NLGN4X: variants seen among roughly 807,000 people sequenced by gnomAD.
The protein encoded by NLGN4X is neuroligin 4 X-linked.
A neutral mutation model predicts 40.3 loss-of-function variants in NLGN4X; 3 were observed. The observed-to-expected ratio is 0.07, with a 90% CI of 0.03 to 0.19. The LOEUF (loss-of-function observed/expected upper bound fraction) is 0.19, where lower values mean the gene tolerates loss of function less well. Among genes scored for constraint, NLGN4X ranks in the 10% least tolerant of loss-of-function variants. NLGN4X has a pLI of 1.00. For synonymous variants in NLGN4X, 270 were observed against 306.8 expected, an observed-to-expected ratio of 0.88 and a Z score of 1.25; for missense variants, 382 against 708.3, an observed-to-expected ratio of 0.54 and a Z score of 5.23.
intron 3 of NLGN4X, among the ~76,000 whole-genome samples, chrX:6,021,448 C>T (rs1388616365): frequency 9.0e-6 from 1 of 110,756 alleles, no homozygotes; most frequent in Non-Finnish European, 1.9e-5. Flanking sequence ...TGACAAAGCA[C>T]TCATCCTTAA....
At chrX:6,012,387 A>G (rs1462478156) in intron 3 of NLGN4X, among the ~76,000 whole-genome samples, 1 of 112,035 alleles carries the variant, frequency 8.9e-6, no homozygotes, top group Non-Finnish European at 1.9e-5. Flanking sequence ...GGAGATGAAG[A>G]ATCCCAGATT....
At chrX:6,111,787 C>T (rs765907118) in intron 2 of NLGN4X, among the ~76,000 whole-genome samples, 1 of 111,113 alleles carries the variant, frequency 9.0e-6, no homozygotes, top group African/African-American at 3.3e-5. Context: ...TTATAAATTA[C>T]CCAGTCTAAG....
chrX:6,224,327 C>G (rs5916352), intron 1 of NLGN4X, among the ~76,000 whole-genome samples: 47,901 of 110,468 alleles, frequency 0.43, 8,673 homozygotes, highest in African/African-American at 0.69. Flanking sequence ...TTTTTGAGAA[C>G]CTTTTGGTTG....
intron 1 of NLGN4X, among the ~76,000 whole-genome samples, chrX:6,165,001 T>C: frequency 9.0e-6 from 1 of 111,406 alleles, no homozygotes; most frequent in East Asian, 2.8e-4. Flanking sequence ...AGTATGACAC[T>C]GTACAAGCTC....
chrX:5,925,028 C>A (rs967835870), intron 3 of NLGN4X, among the ~76,000 whole-genome samples: 2 of 111,391 alleles, frequency 1.8e-5, no homozygotes, highest in Non-Finnish European at 3.8e-5. Context: ...ATTTAAAGTC[C>A]CAATTCATTA....
At chrX:6,001,566 T>C (rs1569179505) in intron 3 of NLGN4X, among the ~76,000 whole-genome samples, 1 of 112,291 alleles carries the variant, frequency 8.9e-6, no homozygotes, top group Non-Finnish European at 1.9e-5. Flanking sequence ...CTACTGGTTT[T>C]AGATCGGTGG....
intron 3 of NLGN4X, among the ~76,000 whole-genome samples, chrX:5,914,676 A>G (rs900587684): frequency 9.1e-6 from 1 of 110,408 alleles, no homozygotes; most frequent in Non-Finnish European, 1.9e-5. Flanking sequence ...CTATAAATGT[A>G]TATGTACACA....
chrX:5,956,678 C>G (rs1216061321), intron 3 of NLGN4X, among the ~76,000 whole-genome samples: 1 of 111,451 alleles, frequency 9.0e-6, no homozygotes, highest in South Asian at 3.8e-4. Flanking sequence ...AGCACCAGCA[C>G]GTGCATCACC....
chrX:5,892,777 G>A lies in NLGN4X; in HGVS notation c.*40C>T. On this transcript the variant is annotated 3_prime_UTR_variant, in exon 6 of 6. Coordinates refer to ENST00000381095, the MANE Select transcript of NLGN4X (RefSeq NM_181332.3). ...TTCCTTCCCTCTTCTATGTTGCTGA[G>A]CGGGTAGGGCAGAGGGATAGGAAGG... is the stretch of plus-strand genomic sequence containing the variant. The A allele has an allele frequency of 1.7e-6, 2 of 1,201,393 alleles. No individual in the cohort carries two copies. The highest frequency in any genetic ancestry group is 1.8e-5 in the South Asian group (1 of 56,528).
At chrX:6,140,737 C>T (rs765176263) in intron 2 of NLGN4X, among the ~76,000 whole-genome samples, 1 of 63,456 alleles carries the variant, frequency 1.6e-5, no homozygotes, top group African/African-American at 9.0e-5. Context: ...ACCACCATGC[C>T]CAGCTAATTT....
intron 2 of NLGN4X, among the ~76,000 whole-genome samples, chrX:6,099,984 G>C (rs1360211858): frequency 1.8e-5 from 2 of 112,051 alleles, no homozygotes; most frequent in African/African-American, 3.2e-5. Context: ...TCAGAGGTGA[G>C]AGCCTCAAAC....
intron 2 of NLGN4X, among the ~76,000 whole-genome samples, chrX:6,108,348 A>T (rs2039075294): frequency 8.9e-6 from 1 of 111,746 alleles, no homozygotes; most frequent in African/African-American, 3.3e-5. Context: ...ATTAAATATT[A>T]TTTTTTGTAG....
intron 2 of NLGN4X, among the ~76,000 whole-genome samples, chrX:6,081,435 G>A (rs1223081613): frequency 8.9e-6 from 1 of 112,490 alleles, no homozygotes; most frequent in African/African-American, 3.2e-5. Flanking sequence ...GAATTTAAAT[G>A]AAAACAGCAC....
chrX:5,895,482 A>C (rs2031437746), intron 5 of NLGN4X, among the ~76,000 whole-genome samples: 1 of 111,629 alleles, frequency 9.0e-6, no homozygotes, highest in Admixed American at 9.5e-5. Flanking sequence ...TATTGTATAC[A>C]TTGTAGAGTG....
chrX:6,157,616 T>C (rs1280563176), intron 1 of NLGN4X, among the ~76,000 whole-genome samples: 2 of 111,678 alleles, frequency 1.8e-5, no homozygotes, highest in African/African-American at 3.3e-5. Context: ...CAAGGCATGG[T>C]AGATTCAGTG....
chrX:5,955,101 C>T (rs188522227), intron 3 of NLGN4X, among the ~76,000 whole-genome samples: 20 of 112,136 alleles, frequency 1.8e-4, no homozygotes, highest in Non-Finnish European at 3.2e-4. Flanking sequence ...TTCACAATAT[C>T]GAAAGTAGTC....
At chrX:5,912,686 C>T (rs1244020681) in intron 3 of NLGN4X, among the ~76,000 whole-genome samples, 1 of 107,675 alleles carries the variant, frequency 9.3e-6, no homozygotes, top group Non-Finnish European at 1.9e-5. Flanking sequence ...CCTGTTTTCC[C>T]AAGTCGCCTG....
At chrX:6,209,472 C>G (rs1924367435) in intron 1 of NLGN4X, among the ~76,000 whole-genome samples, 1 of 111,545 alleles carries the variant, frequency 9.0e-6, no homozygotes, top group Non-Finnish European at 1.9e-5. Flanking sequence ...AGGCACAGGA[C>G]AGCCACCACA....
At chrX:6,203,107 A>T (rs1923766370) in intron 1 of NLGN4X, among the ~76,000 whole-genome samples, 1 of 112,456 alleles carries the variant, frequency 8.9e-6, no homozygotes, top group Admixed American at 9.4e-5. Flanking sequence ...ATTCTGCAAA[A>T]GTCCTAATAT....
Sources: allele counts gnomAD v4.1 joint callset (sites outside exome capture counted in the v4.1 genomes callset), GRCh38; gene constraint gnomAD v4.1.1; transcripts MANE v1.5; gene names NCBI Gene and HGNC (gene_info 2026-07-23, HGNC 2026-07-21).